Variants in IGSF3 observed in about 807,000 individuals in gnomAD.
The protein encoded by IGSF3 is immunoglobulin superfamily member 3.
IGSF3 carries 23 observed loss-of-function variants against 114.4 expected under a neutral mutation model. The observed-to-expected ratio is 0.20, with a 90% CI of 0.14 to 0.28. The LOEUF is 0.28. Among genes scored for constraint, IGSF3 ranks in the 10% least tolerant of loss-of-function variants. The pLI is 1.00. For synonymous variants in IGSF3, 571 were observed against 645.2 expected (o/e 0.88, Z 1.74); for missense variants, 1,172 against 1,591.5 (o/e 0.74, Z 4.48).
At chr1:116,653,129 G>A (rs1233273917) in intron 2 of IGSF3, among the ~76,000 whole-genome samples, 1 of 152,190 alleles carries the variant, frequency 6.6e-6, no homozygotes, top group Admixed American at 6.5e-5. Context: ...TCATGGGCTA[G>A]GGAAGATTAT....
rs142652228 is a variant in IGSF3, at chr1:116,609,817, T to C, written c.833-1486A>G. 2.6e-5 allele frequency among the ~76,000 whole-genome samples: 4 copies of C among 152,164 alleles called. No individual in the cohort carries two copies. The East Asian group carries it at 5.8e-4, about 22-fold the overall frequency. The stretch of plus-strand genomic sequence containing the variant: ...AGGTTTCTGTTTCCCCAAGAAAACA[T>C]AAGAATCATGCATAAGCAGCATCCA... On this transcript the variant is annotated intron_variant, in intron 4 of 10. Transcript: ENST00000369486.
intron 8 of IGSF3, among the ~76,000 whole-genome samples, chr1:116,586,689 C>A (rs1659859290): frequency 6.6e-6 from 1 of 151,936 alleles, no homozygotes; most frequent in Non-Finnish European, 1.5e-5. Context: ...TAGGATCCTC[C>A]AAGAATCTCT....
chr1:116,601,394 G>C (rs1386758367), intron 6 of IGSF3, among the ~76,000 whole-genome samples: 3 of 152,178 alleles, frequency 2.0e-5, no homozygotes, highest in African/African-American at 7.2e-5. Flanking sequence ...CCAAGACTTT[G>C]ATACTTCCCA....
At position 116,618,065 on chromosome 1, in the gene IGSF3, C is replaced by T. The variant is rs1257766369; in HGVS notation, c.44-1608G>A. ...TGCCCAGCCCAGCAGGGGACTGTGCCTCAGTGTAAGCTAATCTAATCTGCA... is the reference window on the plus strand; with the variant it reads ...TGCCCAGCCCAGCAGGGGACTGTGCTTCAGTGTAAGCTAATCTAATCTGCA... On this transcript the variant is annotated intron_variant, in intron 2 of 10. Coordinates refer to ENST00000369486, the MANE Select transcript of IGSF3 (RefSeq NM_001007237.3). This position sits in a 1 kb window ranked among gnomAD's most constrained non-coding sequence, Gnocchi z 4.7. Among the ~76,000 whole-genome samples the T allele has an allele frequency of 1.3e-5, 2 of 152,230 alleles. No homozygotes were observed. The highest frequency in any genetic ancestry group is 3.8e-4 in the East Asian group (2 of 5,204).
In IGSF3 at chr1:116,605,806, C is replaced by A. The variant is rs958093896; in HGVS notation, c.1223-1781G>T. ...CAACTGCAGCATCAAGGAAGAAAAT[C>A]CTTTCACTTGTATTAAGCAGAAGAA... On this transcript the variant is annotated intron_variant, in intron 5 of 10. Transcript: ENST00000369486. The surrounding 1 kb of genome is among the most constrained non-coding windows in gnomAD (Gnocchi z 5.1). 2.0e-5 allele frequency among the ~76,000 whole-genome samples: 3 copies of A among 152,186 alleles called. No homozygotes were observed. The highest frequency in any genetic ancestry group is 4.4e-5 in the Non-Finnish European group (3 of 68,040).
rs1434314544 is a variant in IGSF3, at chr1:116,665,518, T to C, written c.43+766A>G. Among the ~76,000 whole-genome samples the C allele has an allele frequency of 6.6e-6, 1 of 152,154 alleles. No individual in the cohort carries two copies. Among genetic ancestry groups the C allele is most frequent in the African/African-American group, 2.4e-5 (1 of 41,448 alleles). ...ATGGCATAAAAAGAATAGGCAATTG[T>C]TGAGCAGAGGGGCCTCTTCACTGGG... On this transcript the variant is annotated intron_variant, in intron 2 of 10. Transcript: ENST00000369486. This position sits in a 1 kb window ranked among gnomAD's most constrained non-coding sequence, Gnocchi z 4.0.
intron 2 of IGSF3, among the ~76,000 whole-genome samples, chr1:116,621,610 T>A (rs1044496850): frequency 1.3e-5 from 2 of 152,228 alleles, no homozygotes; most frequent in African/African-American, 2.4e-5. Flanking sequence ...TGGGGCTTTT[T>A]TTTTTACATC....
At position 116,650,145 on chromosome 1, in the gene IGSF3, T is replaced by C. The variant is rs1045845172; in HGVS notation, c.43+16139A>G. Among the ~76,000 whole-genome samples the C allele has an allele frequency of 6.6e-6, 1 of 152,206 alleles. No individual in the cohort carries two copies. Among genetic ancestry groups the C allele is most frequent in the African/African-American group, 2.4e-5 (1 of 41,462 alleles). ...TACAAGAAGAAATCCTGTTTCATGC[T>C]CCTTTGAGGGAGTGTCTAACATAGG... On this transcript the variant is annotated intron_variant, in intron 2 of 10. Transcript: ENST00000369486. The surrounding 1 kb of genome is among the most constrained non-coding windows in gnomAD (Gnocchi z 5.0).
rs937309011 is a variant in IGSF3, at chr1:116,636,722, G to A, written c.44-20265C>T. Among the ~76,000 whole-genome samples, 15 of 152,160 alleles carry A rather than the reference G, an allele frequency of 9.9e-5. No homozygotes were observed. The South Asian group carries it at 2.3e-3, about 23-fold the overall frequency. ...CCCTGTCTTTTGCCTCGAAGCACAG[G>A]GCCCTCCTTCTGTCCCACCCAGCTT... On this transcript the variant is annotated intron_variant, in intron 2 of 10. Coordinates refer to ENST00000369486, the MANE Select transcript of IGSF3 (RefSeq NM_001007237.3). The surrounding 1 kb of genome is among the most constrained non-coding windows in gnomAD (Gnocchi z 4.5).
chr1:116,608,528 CAG>C (rs1660889486), intron 4 of IGSF3, among the ~76,000 whole-genome samples, 197 bp from the exon 5 acceptor site: 1 of 152,150 alleles, frequency 6.6e-6, no homozygotes, highest in Non-Finnish European at 1.5e-5. Context: ...CTGAATATCA[CAG>C]AGAGAATTCA....
Position 116,627,213 on chromosome 1 carries a change from A to G in IGSF3, c.44-10756T>C, listed in dbSNP as rs1357040090. Reference sequence around the variant, plus strand: ...AGAGGCTCAGTGAACCGCAGCTTAGAGTGAGTTCCAGTAAAAGGACCATCA... The same window carrying G: ...AGAGGCTCAGTGAACCGCAGCTTAGGGTGAGTTCCAGTAAAAGGACCATCA... On this transcript the variant is annotated intron_variant, in intron 2 of 10. Transcript: ENST00000369486. This position sits in a 1 kb window ranked among gnomAD's most constrained non-coding sequence, Gnocchi z 4.7. 6.6e-6 allele frequency among the ~76,000 whole-genome samples: 1 copy of G among 152,136 alleles called. No individual in the cohort carries two copies. Among genetic ancestry groups the G allele is most frequent in the East Asian group, 1.9e-4 (1 of 5,190 alleles).
chr1:116,579,288 C>T lies in IGSF3; in HGVS notation c.3334+104G>A. 3 of 1,400,102 alleles carry T rather than the reference C, an allele frequency of 2.1e-6. No homozygotes were observed. Among genetic ancestry groups the T allele is most frequent in the East Asian group, 2.3e-5 (1 of 43,040 alleles). The allele number at this position is 1,400,102 out of a possible 1,614,324, so 86.7% of individuals were successfully genotyped here. On this transcript the variant is annotated intron_variant, in intron 10 of 10. Coordinates refer to ENST00000369486, the MANE Select transcript of IGSF3 (RefSeq NM_001007237.3). This position sits in a 1 kb window ranked among gnomAD's most constrained non-coding sequence, Gnocchi z 6.4. ...AAATCCTACTAATAAATGCCCATGA[C>T]AGTTAAGAAAACTGTTTATTAACCC... is the stretch of plus-strand genomic sequence containing the variant.
intron 2 of IGSF3, among the ~76,000 whole-genome samples, chr1:116,622,313 G>T (rs1447441992): frequency 2.0e-5 from 3 of 152,100 alleles, no homozygotes. Context: ...TACTGTGAAA[G>T]CCACCAAATG....
At chr1:116,658,662 G>A (rs1269896341) in intron 2 of IGSF3, among the ~76,000 whole-genome samples, 2 of 152,116 alleles carry the variant, frequency 1.3e-5, no homozygotes, top group South Asian at 2.1e-4. Flanking sequence ...CCAACAGGAC[G>A]TCACTCTCCT....
In IGSF3 at chr1:116,667,605, C is replaced by T. The variant is rs191633591; in HGVS notation, c.-631+13G>A. The T allele has an allele frequency of 0.036, 5,419 of 151,526 alleles. 330 individuals carry two copies. The highest frequency in any genetic ancestry group is 0.12 in the African/African-American group (5,094 of 41,326). The allele number at this position is 151,526 out of a possible 1,614,324, so 9.4% of individuals were successfully genotyped here. ...CCCCTCCGGGCGCCGCCCGCGCCCC[C>T]GCCGAGCCTGACCTCGCCCCTGGCC... On this transcript the variant is annotated intron_variant, in intron 1 of 10. Coordinates refer to ENST00000369486, the MANE Select transcript of IGSF3 (RefSeq NM_001007237.3).
Position 116,632,785 on chromosome 1 carries a change from A to G in IGSF3, c.44-16328T>C, listed in dbSNP as rs529495927. 3.3e-5 allele frequency among the ~76,000 whole-genome samples: 5 copies of G among 152,308 alleles called. No homozygotes were observed. The highest frequency in any genetic ancestry group is 2.0e-4 in the Admixed American group (3 of 15,302). ...GAGGGAGAACCACAGCCAACTCCAG[A>G]AAAATAAAAGGCTGCAGCGAGAAAC... On this transcript the variant is annotated intron_variant, in intron 2 of 10. Coordinates refer to ENST00000369486, the MANE Select transcript of IGSF3 (RefSeq NM_001007237.3). The surrounding 1 kb of genome is among the most constrained non-coding windows in gnomAD (Gnocchi z 5.1).
chr1:116,649,342 T>G lies in IGSF3; in HGVS notation c.43+16942A>C, dbSNP rs1648532317. On this transcript the variant is annotated intron_variant, in intron 2 of 10. Coordinates refer to ENST00000369486, the MANE Select transcript of IGSF3 (RefSeq NM_001007237.3). The surrounding 1 kb of genome is among the most constrained non-coding windows in gnomAD (Gnocchi z 4.5). ...GAGGGAGGCTGGAAAATCTGGAGTA[T>G]GTGCATGTCTAGTGAGTTGCCTCTA... is the stretch of plus-strand genomic sequence containing the variant. Among the ~76,000 whole-genome samples the G allele has an allele frequency of 6.6e-6, 1 of 152,344 alleles. No homozygotes were observed. The highest frequency in any genetic ancestry group is 1.5e-5 in the Non-Finnish European group (1 of 68,026).
At chr1:116,656,387 G>A (rs1237704584) in intron 2 of IGSF3, among the ~76,000 whole-genome samples, 4 of 128,364 alleles carry the variant, frequency 3.1e-5, no homozygotes, top group South Asian at 2.7e-4. Context: ...TGCAAGCTCC[G>A]CCTCCCGGGT....
intron 2 of IGSF3, among the ~76,000 whole-genome samples, chr1:116,653,632 C>T (rs1648727473): frequency 6.6e-6 from 1 of 152,216 alleles, no homozygotes; most frequent in South Asian, 2.1e-4. Flanking sequence ...TTCCAGTACT[C>T]CTTCCACCCT....
Sources: gnomAD v4.1 joint callset for allele counts (sites outside exome capture counted in the v4.1 genomes callset) on GRCh38, gnomAD v4.1.1 for gene constraint, Gnocchi (gnomAD v3.1) non-coding constraint, MANE v1.5 for transcripts, NCBI Gene and HGNC (gene_info 2026-07-23, HGNC 2026-07-21) for gene names.